Variants in RBFOX1 observed in about 807,000 individuals in gnomAD.
The protein encoded by RBFOX1 is RNA binding fox-1 homolog 1.
In RBFOX1, 8 loss-of-function variants were observed where a neutral mutation model predicts 57.7. The ratio of observed to expected loss-of-function variants is 0.14; its 90% CI spans 0.08 to 0.25. The LOEUF (loss-of-function observed/expected upper bound fraction) is 0.25. RBFOX1 is among the 10% of genes least tolerant of loss of function. RBFOX1 has a pLI of 1.00. For synonymous variants in RBFOX1, 326 were observed against 222.4 expected (o/e 1.47, Z -4.15); for missense variants, 611 against 548.5 (o/e 1.11, Z -1.14).
intron 9 of RBFOX1, among the ~76,000 whole-genome samples, chr16:7,604,395 C>T (rs2095195714): frequency 1.3e-5 from 2 of 152,186 alleles, no homozygotes; most frequent in African/African-American, 2.4e-5. Flanking sequence ...CACAGATTCC[C>T]AGCTGGTTTC....
At chr16:6,984,750 C>G (rs28774372) in intron 3 of RBFOX1, among the ~76,000 whole-genome samples, 5,452 of 152,150 alleles carry the variant, frequency 0.036, 311 homozygotes, top group African/African-American at 0.12. Flanking sequence ...ATGAAATTCT[C>G]CTGCCTCAGC....
intron 11 of RBFOX1, among the ~76,000 whole-genome samples, chr16:7,645,247 T>G (rs2063528378): frequency 6.6e-6 from 1 of 152,198 alleles, no homozygotes; most frequent in African/African-American, 2.4e-5. Context: ...TGTAAAGAGA[T>G]TCAATTATGG....
chr16:7,011,273 T>C (rs1385589552), intron 3 of RBFOX1, among the ~76,000 whole-genome samples: 2 of 152,204 alleles, frequency 1.3e-5, no homozygotes, highest in African/African-American at 4.8e-5. Context: ...ATTCTTTTAA[T>C]GATTCTGAGG....
chr16:5,983,333 A>C (rs753902263), intron 4 of RBFOX1, among the ~76,000 whole-genome samples: 4 of 152,224 alleles, frequency 2.6e-5, no homozygotes, highest in African/African-American at 4.8e-5. Context: ...ATATTCCCTG[A>C]CAGCTCCTGC....
intron 3 of RBFOX1, among the ~76,000 whole-genome samples, chr16:7,046,264 G>C: frequency 6.6e-6 from 1 of 151,482 alleles, no homozygotes. Context: ...GTGTGTGTGT[G>C]TGTACACATC....
intron 2 of RBFOX1, among the ~76,000 whole-genome samples, chr16:6,335,387 G>A (rs929027546): frequency 6.6e-6 from 1 of 152,156 alleles, no homozygotes; most frequent in African/African-American, 2.4e-5. Flanking sequence ...AGCCAGGAGA[G>A]GGAGGAAGTT....
chr16:6,867,892 C>T (rs1224129622), intron 3 of RBFOX1, among the ~76,000 whole-genome samples: 3 of 152,108 alleles, frequency 2.0e-5, no homozygotes, highest in Non-Finnish European at 4.4e-5. Flanking sequence ...ATAGTCATTC[C>T]ATACTCTTAA....
At chr16:6,923,613 G>C (rs2074960820) in intron 3 of RBFOX1, among the ~76,000 whole-genome samples, 2 of 152,170 alleles carry the variant, frequency 1.3e-5, no homozygotes, top group Admixed American at 1.3e-4. Flanking sequence ...GGTGGAATGG[G>C]ATGGAGAGTG....
chr16:6,630,829 G>C (rs1345765391), intron 2 of RBFOX1, among the ~76,000 whole-genome samples: 3 of 152,104 alleles, frequency 2.0e-5, no homozygotes, highest in Admixed American at 2.0e-4. Context: ...AAAGAAACTT[G>C]ACTTCCTCTA....
chr16:6,205,218 G>C (rs2097246787), intron 1 of RBFOX1, among the ~76,000 whole-genome samples: 1 of 152,166 alleles, frequency 6.6e-6, no homozygotes. Flanking sequence ...TGGGAGACTT[G>C]CTAGCTAGTT....
chr16:7,011,649 G>A (rs1019275620), intron 3 of RBFOX1, among the ~76,000 whole-genome samples: 1 of 152,124 alleles, frequency 6.6e-6, no homozygotes, highest in Non-Finnish European at 1.5e-5. Context: ...AAGTACCTGG[G>A]ACTACAGGTG....
chr16:7,349,398 C>G (rs1457564786), intron 4 of RBFOX1, among the ~76,000 whole-genome samples: 1 of 152,202 alleles, frequency 6.6e-6, no homozygotes, highest in Non-Finnish European at 1.5e-5. Context: ...CCTAATTCCC[C>G]TAAGTCCTCA....
At position 5,716,452 on chromosome 16, in the gene RBFOX1, A is replaced by G. The variant is rs375386908; in HGVS notation, c.318+117491A>G. Among the ~76,000 whole-genome samples the G allele has an allele frequency of 2.6e-5, 4 of 152,368 alleles. No homozygotes were observed. The East Asian group carries it at 5.8e-4, about 22-fold the overall frequency. On this transcript the variant is annotated intron_variant, in intron 3 of 19. Transcript: ENST00000641259. ...TCCATGTGTCCAACAATTGCATGAA[A>G]AAAACCTCAGCTTCGCTGATGATTA...
intron 3 of RBFOX1, among the ~76,000 whole-genome samples, chr16:5,835,797 T>C (rs919996878): frequency 6.6e-6 from 1 of 152,232 alleles, no homozygotes; most frequent in African/African-American, 2.4e-5. Context: ...ATCTTCTTCT[T>C]TAGTCTTTTT....
At chr16:6,277,217 TTGAG>T (rs1567832676) in intron 1 of RBFOX1, among the ~76,000 whole-genome samples, 2 of 152,056 alleles carry the variant, frequency 1.3e-5, no homozygotes, top group African/African-American at 4.8e-5. Context: ...TCCCAGCACT[TTGAG>T]TGGCCAAGGC....
intron 3 of RBFOX1, among the ~76,000 whole-genome samples, chr16:5,752,727 C>T (rs1036079672): frequency 3.3e-5 from 5 of 152,188 alleles, no homozygotes; most frequent in African/African-American, 1.2e-4. Flanking sequence ...GTTGGGATTT[C>T]ATGAAATGGC....
chr16:5,424,596 T>C (rs2151493649), intron 1 of RBFOX1, among the ~76,000 whole-genome samples: 1 of 152,128 alleles, frequency 6.6e-6, no homozygotes, highest in East Asian at 1.9e-4. Flanking sequence ...GGTGATGGGT[T>C]GACAGGTACA....
chr16:7,189,742 C>T (rs1022695617), intron 4 of RBFOX1, among the ~76,000 whole-genome samples: 4 of 152,228 alleles, frequency 2.6e-5, no homozygotes, highest in African/African-American at 9.6e-5. Flanking sequence ...CCGTGGTTCC[C>T]ACAGACACCT....
chr16:7,498,390 T>A (rs1373316086), intron 4 of RBFOX1, among the ~76,000 whole-genome samples: 1 of 152,132 alleles, frequency 6.6e-6, no homozygotes, highest in Non-Finnish European at 1.5e-5. Context: ...TGAGTATAGC[T>A]AGCATTGTCC....
Sources: allele counts gnomAD v4.1 joint callset (sites outside exome capture counted in the v4.1 genomes callset), GRCh38; gene constraint gnomAD v4.1.1; transcripts MANE v1.5; gene names NCBI Gene and HGNC (gene_info 2026-07-23, HGNC 2026-07-21).